FOXL2NB: variants seen among roughly 807,000 people sequenced by gnomAD.
The protein encoded by FOXL2NB is FOXL2 neighbor protein.
FOXL2NB carries 10 observed loss-of-function variants against 7.4 expected under a neutral mutation model. The ratio of observed to expected loss-of-function variants is 1.34; its 90% CI spans 0.83 to 2.28. The LOEUF is 2.28. FOXL2NB is among the 30% of genes most tolerant of loss of function. FOXL2NB has a pLI of 0.00. For missense variants in FOXL2NB, 228 were observed against 233.9 expected, an observed-to-expected ratio of 0.97 and a Z score of 0.17; for synonymous variants, 104 against 105.3, an observed-to-expected ratio of 0.99 and a Z score of 0.08.
In FOXL2NB at chr3:138,950,331, T is replaced by G; in HGVS notation, c.287T>G (p.Leu96Arg). 3 of 1,610,364 alleles carry G rather than the reference T, an allele frequency of 1.9e-6. No homozygotes were observed. Among genetic ancestry groups the G allele is most frequent in the Non-Finnish European group, 2.5e-6 (3 of 1,179,288 alleles). ...APRASGGPAL[L>R]GKRRGCSEAG... is the part of the protein sequence containing the mutation. ...CGGGCTTCCGGCGGCCCAGCTCTAC[T>G]AGGGAAGCGTCGCGGCTGCTCTGAG... is the stretch of plus-strand genomic sequence containing the variant. The change falls in exon 3 of 3, where the codon CTA (leucine) becomes CGA (arginine). Residue 96 changes from leucine to arginine, a missense_variant. By Grantham distance (102) the Leu-to-Arg change is moderately radical. Transcript: ENST00000383165.
Position 138,953,849 on chromosome 3 carries a change from T to A in FOXL2NB, c.*3277T>A, listed in dbSNP as rs574329455. On this transcript the variant is annotated 3_prime_UTR_variant, in exon 3 of 3. Coordinates refer to ENST00000383165, the MANE Select transcript of FOXL2NB (RefSeq NM_001040061.3). ...TGTGCAACATATTTTTAATATTCAC[T>A]GGTCTTGTTGCATGTGTCAGACATT... Among the ~76,000 whole-genome samples the A allele has an allele frequency of 1.6e-4, 24 of 152,384 alleles. 1 individual carries two copies. The East Asian group carries it at 4.0e-3, about 26-fold the overall frequency.
In FOXL2NB at chr3:138,951,714, A is replaced by G. The variant is rs1936135194; in HGVS notation, c.*1142A>G. On this transcript the variant is annotated 3_prime_UTR_variant, in exon 3 of 3. Transcript: ENST00000383165. ...AAAGCCATTTTGTTCAGCTCTGAAC[A>G]GTGAGTGCCTTGCCAGTAGGCCTCA... 1 of 152,200 alleles carries G rather than the reference A, an allele frequency of 6.6e-6. No individual in the cohort carries two copies. Among genetic ancestry groups the G allele is most frequent in the Non-Finnish European group, 1.5e-5 (1 of 68,042 alleles). 9.4% of individuals were successfully genotyped at this position (152,200 alleles called of 1,614,324 possible). A position where few individuals can be genotyped will look rare whatever the true frequency, so the allele number is the denominator to read the frequency against.
In FOXL2NB at chr3:138,953,947, A is replaced by C. The variant is rs57084332; in HGVS notation, c.*3375A>C. 0.12 allele frequency among the ~76,000 whole-genome samples: 18,846 copies of C among 152,216 alleles called. 2,809 individuals carry two copies. The highest frequency in any genetic ancestry group is 0.36 in the African/African-American group (15,021 of 41,468). ...CATATGTTGAGGGACATTTGTTTCCAGTTTTTGGATATCATAAATAAAGCT... is the reference window on the plus strand; with the variant it reads ...CATATGTTGAGGGACATTTGTTTCCCGTTTTTGGATATCATAAATAAAGCT... On this transcript the variant is annotated 3_prime_UTR_variant, in exon 3 of 3. Coordinates refer to ENST00000383165, the MANE Select transcript of FOXL2NB (RefSeq NM_001040061.3).
rs551418390 is a variant in FOXL2NB at position 138,951,985 on chromosome 3, A to G, written c.*1413A>G. On this transcript the variant is annotated 3_prime_UTR_variant, in exon 3 of 3. Transcript: ENST00000383165. ...ATTTCCAAGAAAGGGACTGTAGCTG[A>G]GGAAAAGCGGTTTGATCATTGACAG... is the stretch of plus-strand genomic sequence containing the variant. The G allele has an allele frequency of 4.6e-5, 7 of 152,384 alleles. No homozygotes were observed. The East Asian group carries it at 1.3e-3, about 29-fold the overall frequency. The allele number at this position is 152,384 out of a possible 1,614,324, so 9.4% of individuals were successfully genotyped here. A position where few individuals can be genotyped will look rare whatever the true frequency, so the allele number is the denominator to read the frequency against.
In FOXL2NB at chr3:138,950,353, T is replaced by C. The variant is rs749760741; in HGVS notation, c.309T>C (p.Ser103=). Residue 103 remains serine (S), a synonymous_variant, in exon 3 of 3, where the codon TCT becomes TCC. Transcript: ENST00000383165. The part of the protein sequence containing the change: ...PALLGKRRGC[S]EAGSASLEPL... ...TACTAGGGAAGCGTCGCGGCTGCTC[T>C]GAGGCAGGCAGCGCTTCGCTAGAAC... is the stretch of plus-strand genomic sequence containing the variant. 2.9e-5 allele frequency: 47 copies of C among 1,611,612 alleles called. No individual in the cohort carries two copies. Among genetic ancestry groups the C allele is most frequent in the Non-Finnish European group, 3.6e-5 (42 of 1,179,656 alleles).
At chr3:138,948,005 C>T in intron 1 of FOXL2NB, 1 of 985,184 alleles carries the variant, frequency 1.0e-6, no homozygotes, top group South Asian at 4.7e-5. Context: ...CTCAGAAACA[C>T]AGGTATGCAC....
chr3:138,950,327 CT>C lies in FOXL2NB; in HGVS notation c.284del (p.Leu95HisfsTer2), dbSNP rs762722486. The C allele has an allele frequency of 6.2e-7, 1 of 1,610,500 alleles. No individual in the cohort carries two copies. The highest frequency in any genetic ancestry group is 8.5e-7 in the Non-Finnish European group (1 of 1,179,360). The stretch of plus-strand genomic sequence containing the variant: ...GCCTCGGGCTTCCGGCGGCCCAGCT[CT>C]ACTAGGGAAGCGTCGCGGCTGCTCT... The part of the protein sequence containing the change: ...PAPRASGGPA[L>X]LGKRRGCSEA... On this transcript the variant is annotated frameshift_variant, in exon 3 of 3. Coordinates refer to ENST00000383165, the MANE Select transcript of FOXL2NB (RefSeq NM_001040061.3). LOFTEE classifies it low-confidence loss of function (END_TRUNC).
At position 138,947,804 on chromosome 3, in the gene FOXL2NB, G is replaced by A; in HGVS notation, c.100+340G>A. The A allele has an allele frequency of 1.9e-6, 2 of 1,071,232 alleles. No homozygotes were observed. The highest frequency in any genetic ancestry group is 2.3e-6 in the Non-Finnish European group (2 of 884,866). 66.4% of individuals were successfully genotyped at this position (1,071,232 alleles called of 1,614,324 possible). A position where few individuals can be genotyped will look rare whatever the true frequency, so the allele number is the denominator to read the frequency against. ...AGGAATCCGTGTACTAATCCTACGGGGTTGGAGTGAAGGTTGGATGTGTGC... is the reference window on the plus strand; with the variant it reads ...AGGAATCCGTGTACTAATCCTACGGAGTTGGAGTGAAGGTTGGATGTGTGC... On this transcript the variant is annotated intron_variant, in intron 1 of 2. Coordinates refer to ENST00000383165, the MANE Select transcript of FOXL2NB (RefSeq NM_001040061.3). This position sits in a 1 kb window ranked among gnomAD's most constrained non-coding sequence, Gnocchi z 5.2.
At position 138,949,770 on chromosome 3, in the gene FOXL2NB, C is replaced by T; in HGVS notation, c.220+131C>T. On this transcript the variant is annotated intron_variant, in intron 2 of 2. Transcript: ENST00000383165. The surrounding 1 kb of genome is among the most constrained non-coding windows in gnomAD (Gnocchi z 4.5). ...GGAGAGAACAGAATCCTCTCCTTGC[C>T]GGCCCAGCCAGAGGTGGGTGAACCG... 2 of 1,374,862 alleles carry T rather than the reference C, an allele frequency of 1.5e-6. No homozygotes were observed. The highest frequency in any genetic ancestry group is 2.4e-5 in the South Asian group (2 of 84,156). 85.2% of individuals were successfully genotyped at this position (1,374,862 alleles called of 1,614,324 possible).
At chr3:138,950,095 C>T in intron 2 of FOXL2NB, 170 bp from the exon 3 acceptor site, 1 of 782,788 alleles carries the variant, frequency 1.3e-6, no homozygotes, top group Non-Finnish European at 2.2e-6. Flanking sequence ...CCGGCGCCTC[C>T]TGACCGTGGT....
chr3:138,949,391 C>CGGGTGTGTGT lies in FOXL2NB; in HGVS notation c.101-128_101-127insGGTGTGTGTG. On this transcript the variant is annotated intron_variant, in intron 1 of 2. Transcript: ENST00000383165. The surrounding 1 kb of genome is among the most constrained non-coding windows in gnomAD (Gnocchi z 4.5). ...AAGAGCCTGTGTGTGTATGCATGTG[C>CGGGTGTGTGT]GTGTGTGTGTGTGTGTGTGTGTGTG... 1.2e-6 allele frequency: 1 copy of CGGGTGTGTGT among 817,352 alleles called. No homozygotes were observed. The highest frequency in any genetic ancestry group is 1.9e-6 in the Non-Finnish European group (1 of 530,898). 50.6% of individuals were successfully genotyped at this position (817,352 alleles called of 1,614,324 possible).
At position 138,949,394 on chromosome 3, in the gene FOXL2NB, GT is replaced by G; in HGVS notation, c.101-125del. 1.1e-6 allele frequency: 1 copy of G among 895,110 alleles called. No homozygotes were observed. The highest frequency in any genetic ancestry group is 1.6e-6 in the Non-Finnish European group (1 of 606,940). 55.4% of individuals were successfully genotyped at this position (895,110 alleles called of 1,614,324 possible). ...AGCCTGTGTGTGTATGCATGTGCGT[GT>G]GTGTGTGTGTGTGTGTGTGTGTAGG... On this transcript the variant is annotated intron_variant, in intron 1 of 2. Transcript: ENST00000383165. This position sits in a 1 kb window ranked among gnomAD's most constrained non-coding sequence, Gnocchi z 4.5.
In FOXL2NB at chr3:138,949,687, C is replaced by T. The variant is rs201016461; in HGVS notation, c.220+48C>T. On this transcript the variant is annotated intron_variant, in intron 2 of 2. Transcript: ENST00000383165. This position sits in a 1 kb window ranked among gnomAD's most constrained non-coding sequence, Gnocchi z 4.5. Reference sequence around the variant, plus strand: ...GCTGGCAGAATGATTACTTTCAGGTCCCCTCCAGGCTTCTGCGGAAAAGCC... The same window carrying T: ...GCTGGCAGAATGATTACTTTCAGGTTCCCTCCAGGCTTCTGCGGAAAAGCC... 31 of 1,612,882 alleles carry T rather than the reference C, an allele frequency of 1.9e-5. No homozygotes were observed. Among genetic ancestry groups the T allele is most frequent in the Non-Finnish European group, 2.3e-5 (27 of 1,179,494 alleles).
At chr3:138,948,723 C>A (rs1936047372) in intron 1 of FOXL2NB, among the ~76,000 whole-genome samples, 1 of 152,164 alleles carries the variant, frequency 6.6e-6, no homozygotes, top group South Asian at 2.1e-4. Flanking sequence ...TTCCAGCATC[C>A]ACAGGCCATC....
rs1333000612 is a variant in FOXL2NB at position 138,953,527 on chromosome 3, A to G, written c.*2955A>G. On this transcript the variant is annotated 3_prime_UTR_variant, in exon 3 of 3. Transcript: ENST00000383165. ...TATATCACATTTTCTTTATCCACTC[A>G]TTGGTTGATGGGCATTTAGCCTTGT... is the stretch of plus-strand genomic sequence containing the variant. 1 of 152,126 alleles carries G rather than the reference A, an allele frequency of 6.6e-6. No individual in the cohort carries two copies. The highest frequency in any genetic ancestry group is 1.5e-5 in the Non-Finnish European group (1 of 68,016). The allele number at this position is 152,126 out of a possible 1,614,324, so 9.4% of individuals were successfully genotyped here.
chr3:138,947,265 C>A lies in FOXL2NB; in HGVS notation c.-100C>A. The A allele has an allele frequency of 1.1e-6, 1 of 928,346 alleles. No individual in the cohort carries two copies. The highest frequency in any genetic ancestry group is 1.6e-6 in the Non-Finnish European group (1 of 612,674). 57.5% of individuals were successfully genotyped at this position (928,346 alleles called of 1,614,324 possible). A position where few individuals can be genotyped will look rare whatever the true frequency, so the allele number is the denominator to read the frequency against. On this transcript the variant is annotated 5_prime_UTR_variant, in exon 1 of 3. Transcript: ENST00000383165. The surrounding 1 kb of genome is among the most constrained non-coding windows in gnomAD (Gnocchi z 5.2). ...TGTAAACGCCCCGCACAGCCTGGAC[C>A]GGCCTGCCCCCGCCCAGCGAGCCTC...
Position 138,950,459 on chromosome 3 carries a change from C to T in FOXL2NB, c.415C>T (p.Arg139Trp), listed in dbSNP as rs1353610984. The change falls in exon 3 of 3, where the codon CGG (arginine) becomes TGG (tryptophan). Residue 139 changes from arginine (R) to tryptophan (W), a missense_variant. Physicochemically the swap from Arg to Trp is moderately radical, Grantham distance 101 (BLOSUM62 -3). Transcript: ENST00000383165. ...SPFLAGPRNT[R>W]RLPAPERERI... ...TTTCCTAGCGGGACCCCGAAACACC[C>T]GGCGGCTTCCCGCTCCTGAGCGGGA... is the stretch of plus-strand genomic sequence containing the variant. The T allele has an allele frequency of 6.2e-7, 1 of 1,614,032 alleles. No individual in the cohort carries two copies. The highest frequency in any genetic ancestry group is 1.3e-5 in the African/African-American group (1 of 74,952).
Position 138,949,622 on chromosome 3 carries a change from C to T in FOXL2NB, c.203C>T (p.Ser68Leu). 1 of 1,552,016 alleles carries T rather than the reference C, an allele frequency of 6.4e-7. No individual in the cohort carries two copies. Among genetic ancestry groups the T allele is most frequent in the Non-Finnish European group, 8.8e-7 (1 of 1,130,286 alleles). Residue 68 changes from serine to leucine, a missense_variant, in exon 2 of 3, where the codon TCG becomes TTG. Transcript: ENST00000383165. This position sits in a 1 kb window ranked among gnomAD's most constrained non-coding sequence, Gnocchi z 4.5. ...KMCLHMAVRHSKAQKTGPGIL... is the reference protein window; with the variant it reads ...KMCLHMAVRHLKAQKTGPGIL... ...TGCCTTCACATGGCTGTCCGGCATT[C>T]GAAGGCTCAGAAAACAGGCAAGAAA...
Position 138,952,862 on chromosome 3 carries a change from G to C in FOXL2NB, c.*2290G>C, listed in dbSNP as rs944420679. ...ATTTTTTATTTAAACAGTTTTGGGG[G>C]AACAGGTGGTTTTTGCTTACATGGA... On this transcript the variant is annotated 3_prime_UTR_variant, in exon 3 of 3. Transcript: ENST00000383165. The C allele has an allele frequency of 1.3e-5, 2 of 151,528 alleles. No homozygotes were observed. The highest frequency in any genetic ancestry group is 2.9e-5 in the Non-Finnish European group (2 of 67,916). The allele number at this position is 151,528 out of a possible 1,614,324, so 9.4% of individuals were successfully genotyped here.
Sources: gnomAD v4.1 joint callset for allele counts (sites outside exome capture counted in the v4.1 genomes callset) on GRCh38, gnomAD v4.1.1 for gene constraint, Gnocchi (gnomAD v3.1) non-coding constraint, MANE v1.5 for transcripts, NCBI Gene and HGNC (gene_info 2026-07-23, HGNC 2026-07-21) for gene names.